Variants in RGPD3 observed in about 807,000 individuals in gnomAD.
The protein encoded by RGPD3 is ranBP2-like and GRIP domain-containing protein 3.
Under a neutral mutation model 154.5 loss-of-function variants are expected in RGPD3, and 62 were observed. That is an observed-to-expected ratio of 0.40 (90% CI 0.33 to 0.50). The LOEUF (loss-of-function observed/expected upper bound fraction) is 0.50, where lower values mean the gene tolerates loss of function less well. RGPD3 is among the 20% of genes least tolerant of loss of function. The pLI, the probability that RGPD3 is intolerant of heterozygous loss-of-function variation, is 0.59. For synonymous variants in RGPD3, 308 were observed against 607.0 expected (o/e 0.51, Z 7.24); for missense variants, 919 against 1,716.8 (o/e 0.54, Z 8.21).
chr2:106,468,269 T>G lies in RGPD3; in HGVS notation c.20A>C (p.Tyr7Ser), dbSNP rs758299726. 6 of 1,607,354 alleles carry G rather than the reference T, an allele frequency of 3.7e-6. No individual in the cohort carries two copies. The highest frequency in any genetic ancestry group is 3.4e-5 in the Admixed American group (2 of 59,468). The change falls in exon 1 of 23, where the codon TAC becomes TCC. Residue 7 changes from tyrosine (Y) to serine (S), a missense_variant. Physicochemically the swap from Tyr to Ser is moderately radical, Grantham distance 144. Transcript: ENST00000409886. ...CACCGAGGCGACGTACCGCTCCCCG[T>G]AGGCCTTGCTGCAACTCATCGCGCC... MSCSKAYGERYVASVQG... is the reference protein window; with the variant it reads MSCSKASGERYVASVQG...
chr2:106,425,941 T>TA, intron 19 of RGPD3, 53 bp downstream of exon 19: 1 of 1,367,880 alleles, frequency 7.3e-7, no homozygotes, highest in African/African-American at 1.9e-5. Flanking sequence ...GAAGGAACCC[T>TA]AAACAATTTA....
chr2:106,417,713 A>G (rs1476387968), intron 20 of RGPD3, among the ~76,000 whole-genome samples: 1 of 151,006 alleles, frequency 6.6e-6, no homozygotes, highest in Non-Finnish European at 1.5e-5. Context: ...ATTGTTCAAA[A>G]TCTATTGATT....
intron 9 of RGPD3, among the ~76,000 whole-genome samples, chr2:106,437,797 T>C (rs538179393): frequency 4.1e-3 from 620 of 151,916 alleles, no homozygotes; most frequent in African/African-American, 0.014. Flanking sequence ...AAAAAGATTA[T>C]ATTGCCAATA....
At chr2:106,457,352 A>G (rs1195884627) in intron 3 of RGPD3, among the ~76,000 whole-genome samples, 1 of 152,282 alleles carries the variant, frequency 6.6e-6, no homozygotes, top group Non-Finnish European at 1.5e-5. Context: ...TGAATGCAAA[A>G]AACACAAAAG....
intron 7 of RGPD3, among the ~76,000 whole-genome samples, chr2:106,442,587 C>A (rs1476882388): frequency 1.7e-5 from 2 of 121,180 alleles, no homozygotes; most frequent in African/African-American, 6.4e-5. Context: ...TAAAAGAAAT[C>A]ATCAAAAGAA....
chr2:106,462,125 A>T (rs1678423716), intron 1 of RGPD3, among the ~76,000 whole-genome samples: 2 of 152,152 alleles, frequency 1.3e-5, no homozygotes, highest in Admixed American at 1.3e-4. Context: ...TTGTAATCTG[A>T]CTTCCTCCGC....
intron 4 of RGPD3, among the ~76,000 whole-genome samples, chr2:106,455,621 G>GA (rs1051496788): frequency 4.0e-4 from 36 of 89,794 alleles, no homozygotes; most frequent in African/African-American, 1.7e-3. Context: ...AATGAAAAAA[G>GA]AAAAAAAAAG....
Position 106,468,263 on chromosome 2 carries a change from T to G in RGPD3, c.26A>C (p.Glu9Ala). Residue 9 changes from glutamate (E) to alanine (A), a missense_variant, in exon 1 of 23, where the codon GAG (glutamate) becomes GCG (alanine). By Grantham distance (107) the Glu-to-Ala change is moderately radical. Transcript: ENST00000409886. MSCSKAYG[E>A]RYVASVQGSA... ...GCCCTGCACCGAGGCGACGTACCGC[T>G]CCCCGTAGGCCTTGCTGCAACTCAT... 5 of 1,607,814 alleles carry G rather than the reference T, an allele frequency of 3.1e-6. No homozygotes were observed. The highest frequency in any genetic ancestry group is 4.2e-6 in the Non-Finnish European group (5 of 1,178,288).
intron 6 of RGPD3, among the ~76,000 whole-genome samples, chr2:106,450,705 CAAAAAA>C (rs768839840): frequency 0.02 from 839 of 42,924 alleles, no homozygotes; most frequent in East Asian, 0.072. Flanking sequence ...GACTCTGTCT[CAAAAAA>C]AAAAAAAAAA....
intron 1 of RGPD3, among the ~76,000 whole-genome samples, chr2:106,465,582 TAA>T (rs1217711185): frequency 7.0e-6 from 1 of 142,700 alleles, no homozygotes; most frequent in Admixed American, 7.0e-5. Context: ...TAAGCTTGTT[TAA>T]AAAAAAAAAA....
intron 21 of RGPD3, among the ~76,000 whole-genome samples, chr2:106,415,021 C>T (rs1417584628): frequency 6.6e-6 from 1 of 152,046 alleles, no homozygotes; most frequent in Non-Finnish European, 1.5e-5. Context: ...AACTCGTCAA[C>T]AAGCAGTATG....
At position 106,461,353 on chromosome 2, in the gene RGPD3, C is replaced by G. The variant is rs1191670343; in HGVS notation, c.73-2021G>C. On this transcript the variant is annotated intron_variant, in intron 1 of 22. Coordinates refer to ENST00000409886, the MANE Select transcript of RGPD3 (RefSeq NM_001144013.2). ...AATAAGGGTTACTTGAACACAAGCA[C>G]TGCAATACTCCAACAATTGATCTGA... 9.9e-5 allele frequency among the ~76,000 whole-genome samples: 15 copies of G among 150,894 alleles called. No individual in the cohort carries two copies. The East Asian group carries it at 3.0e-3, about 30-fold the overall frequency.
intron 9 of RGPD3, among the ~76,000 whole-genome samples, chr2:106,438,653 G>A (rs997153355): frequency 2.6e-5 from 4 of 152,010 alleles, no homozygotes; most frequent in Non-Finnish European, 5.9e-5. Context: ...CGTGGTGGTG[G>A]GCATTTGTAA....
At position 106,434,161 on chromosome 2, in the gene RGPD3, G is replaced by T. The variant is rs1417480268; in HGVS notation, c.2205+67C>A. ...ATTTTTTGAAATTACCAAAATATAA[G>T]ACCAACGCAAAAACACTGACCAGTG... is the stretch of plus-strand genomic sequence containing the variant. On this transcript the variant is annotated intron_variant, in intron 15 of 22. Transcript: ENST00000409886. 5 of 1,596,426 alleles carry T rather than the reference G, an allele frequency of 3.1e-6. No homozygotes were observed. In the African/African-American group the frequency reaches 5.4e-5, roughly 17 times the overall value.
At chr2:106,469,606 C>A (rs1220307080), upstream of RGPD3, among the ~76,000 whole-genome samples, 1 of 152,224 alleles carries the variant, frequency 6.6e-6, no homozygotes, top group East Asian at 1.9e-4. Flanking sequence ...TTTCTCCAGG[C>A]TTCCTAACTT....
rs540469680 is a variant in RGPD3, at chr2:106,413,097, A to G, written c.5253T>C (p.Ala1751=). The change falls in exon 22 of 23, where the codon GCT becomes GCC. Residue 1751 remains alanine, a synonymous_variant. Coordinates refer to ENST00000409886, the MANE Select transcript of RGPD3 (RefSeq NM_001144013.2). The stretch of plus-strand genomic sequence containing the variant: ...CCTTTTACCCACCTTGAGCAACCGC[A>G]GCAAGTTTTCCCTTTTCTTCAAGGC... ...QLSLEEKGKL[A]AVAQGEE is the part of the protein sequence containing the mutation. 1.2e-5 allele frequency: 19 copies of G among 1,610,734 alleles called. 1 individual carries two copies. The highest frequency in any genetic ancestry group is 1.4e-5 in the Non-Finnish European group (17 of 1,179,624).
Position 106,424,879 on chromosome 2 carries a change from T to A in RGPD3, c.3088A>T (p.Thr1030Ser). The A allele has an allele frequency of 3.1e-6, 5 of 1,611,740 alleles. No individual in the cohort carries two copies. Among genetic ancestry groups the A allele is most frequent in the Non-Finnish European group, 3.4e-6 (4 of 1,179,782 alleles). The change falls in exon 20 of 23, where the codon ACT (threonine) becomes TCT (serine). Residue 1030 changes from threonine (T) to serine (S), a missense_variant. By Grantham distance (58) the Thr-to-Ser change is moderately conservative (BLOSUM62 1). Coordinates refer to ENST00000409886, the MANE Select transcript of RGPD3 (RefSeq NM_001144013.2). ...DFEKDDDAYK[T>S]EDSDDIHFEP... ...AAATGGATGTCATCGCTGTCCTCAG[T>A]CTTATAGGCATCATCATCTTTCTCA...
chr2:106,412,446 A>AGTAG (rs1334670903), intron 22 of RGPD3, among the ~76,000 whole-genome samples: 10 of 151,528 alleles, frequency 6.6e-5, no homozygotes, highest in Admixed American at 6.6e-4. Flanking sequence ...AGTAGCTGGG[A>AGTAG]CTACAGGCGC....
upstream of RGPD3, among the ~76,000 whole-genome samples, chr2:106,469,279 T>G (rs1406041113): frequency 6.8e-6 from 1 of 146,124 alleles, no homozygotes; most frequent in East Asian, 2.0e-4. Flanking sequence ...GCCAATGTGT[T>G]AGACTATCAT....
Sources: gnomAD v4.1 joint callset for allele counts (sites outside exome capture counted in the v4.1 genomes callset) on GRCh38, gnomAD v4.1.1 for gene constraint, MANE v1.5 for transcripts, NCBI Gene and HGNC (gene_info 2026-07-23, HGNC 2026-07-21) for gene names.